Variants in SGO1 observed in about 807,000 individuals in gnomAD.
SGO1 encodes shugoshin 1.
A neutral mutation model predicts 50.5 loss-of-function variants in SGO1; 39 were observed. That is an observed-to-expected ratio of 0.77 (90% CI 0.60 to 1.01). SGO1 has a LOEUF of 1.01. Among genes scored for constraint, SGO1 ranks in the 50% least tolerant of loss-of-function variants. SGO1 has a pLI of 0.00. For missense variants in SGO1, 638 were observed against 606.0 expected, an observed-to-expected ratio of 1.05 and a Z score of -0.55; for synonymous variants, 191 against 205.1, an observed-to-expected ratio of 0.93 and a Z score of 0.59.
At chr3:20,177,977 T>C (rs187184741) in intron 4 of SGO1, among the ~76,000 whole-genome samples, 1 of 151,974 alleles carries the variant, frequency 6.6e-6, no homozygotes, top group Non-Finnish European at 1.5e-5. Flanking sequence ...AATAAAAACA[T>C]GGTACACAGA....
At chr3:20,179,581 C>T (rs1701783593) in intron 3 of SGO1, among the ~76,000 whole-genome samples, 1 of 152,082 alleles carries the variant, frequency 6.6e-6, no homozygotes, top group South Asian at 2.1e-4. Context: ...CATGCCACCA[C>T]AACTGGCTAA....
chr3:20,162,145 C>T (rs1356571417), intron 8 of SGO1, among the ~76,000 whole-genome samples: 2 of 152,156 alleles, frequency 1.3e-5, no homozygotes, highest in Admixed American at 1.3e-4. Flanking sequence ...GAAAGAGCTC[C>T]AGAATTCTGT....
At position 20,174,908 on chromosome 3, in the gene SGO1, A is replaced by C. The variant is rs1354524735; in HGVS notation, c.623T>G (p.Leu208Trp). ...CAAATGACTGGTTTCAAAATCATCC[A>C]AGCTATCAAACTGACATATACTGTT... The part of the protein sequence containing the change: ...HCNSICQFDS[L>W]DDFETSHLAG... The change falls in exon 6 of 8, where the codon TTG becomes TGG. Residue 208 changes from leucine (L) to tryptophan (W), a missense_variant. Leu to Trp is a moderately conservative substitution (Grantham distance 61, BLOSUM62 -2). Transcript: ENST00000412997. The C allele has an allele frequency of 4.3e-6, 7 of 1,613,966 alleles. No homozygotes were observed. The highest frequency in any genetic ancestry group is 1.3e-5 in the African/African-American group (1 of 74,934).
At chr3:20,175,143 GA>G in intron 5 of SGO1, 88 bp from the exon 6 acceptor site, 1 of 1,294,962 alleles carries the variant, frequency 7.7e-7, no homozygotes, top group Non-Finnish European at 1.0e-6. Context: ...CTAAAAAAGT[GA>G]ATGACCAAAA....
chr3:20,178,035 A>G (rs1701597223), intron 4 of SGO1, among the ~76,000 whole-genome samples: 1 of 152,180 alleles, frequency 6.6e-6, no homozygotes, highest in South Asian at 2.1e-4. Context: ...AACTGTGGTA[A>G]GGCTTCTTTT....
rs746756022 is a variant in SGO1 at position 20,171,070 on chromosome 3, A to G, written c.1445T>C (p.Val482Ala). 6 of 1,599,536 alleles carry G rather than the reference A, an allele frequency of 3.8e-6. No homozygotes were observed. Among genetic ancestry groups the G allele is most frequent in the Middle Eastern group, 3.3e-4 (2 of 5,982 alleles). ...AGCGAGGGTGGGCTCCTTATAGTTC[A>G]CGCTGGCTGTGCACCTACGTTTAGG... ...ALPKRRCTAS[V>A]NYKEPTLASK... Residue 482 changes from valine to alanine, a missense_variant, in exon 7 of 8, where the codon GTG becomes GCG. Transcript: ENST00000412997.
At chr3:20,168,644 G>GTTTT (rs1313336484), downstream of SGO1, among the ~76,000 whole-genome samples, 1 of 129,464 alleles carries the variant, frequency 7.7e-6, no homozygotes, top group African/African-American at 2.8e-5. Context: ...CTGAGAAACT[G>GTTTT]TTTTTTTTTT....
In SGO1 at chr3:20,170,712, T is replaced by C. The variant is rs781480888; in HGVS notation, c.1576A>G (p.Ile526Val). 3.0e-5 allele frequency: 48 copies of C among 1,583,052 alleles called. No individual in the cohort carries two copies. Among genetic ancestry groups the C allele is most frequent in the Non-Finnish European group, 4.0e-5 (47 of 1,172,518 alleles). The change falls in exon 8 of 8, where the codon ATA becomes GTA. Residue 526 changes from isoleucine to valine, a missense_variant. Transcript: ENST00000412997. Reference sequence around the variant, plus strand: ...AATATCCAACAAAACCTTCATTGTATTTGTTTCATACTTTTTTTAGAACGT... The same window carrying C: ...AATATCCAACAAAACCTTCATTGTACTTGTTTCATACTTTTTTTAGAACGT... ...LRRSKKSMKQ[I>V]Q
At position 20,174,250 on chromosome 3, in the gene SGO1, G is replaced by C; in HGVS notation, c.1281C>G (p.Thr427=). 1.2e-6 allele frequency: 2 copies of C among 1,607,802 alleles called. No individual in the cohort carries two copies. The highest frequency in any genetic ancestry group is 1.7e-6 in the Non-Finnish European group (2 of 1,174,766). ...CAGGTAAACAAGTAGATCACTTACT[G>C]GTAGGAGTTTTTGTTGGCTTAGAAC... ...TEGSKPTKTP[T]TTPPETQQSP... The change falls in exon 6 of 8, where the codon ACC becomes ACG. Residue 427 remains threonine, a splice_region_variant and synonymous_variant. Transcript: ENST00000412997.
chr3:20,165,789 C>T (rs1269607185), downstream of SGO1, among the ~76,000 whole-genome samples: 2 of 152,168 alleles, frequency 1.3e-5, no homozygotes, highest in African/African-American at 2.4e-5. Context: ...CAGTGGCTCA[C>T]GCCTGTAATC....
rs1377411475 is a variant in SGO1, at chr3:20,176,609, T to C, written c.467A>G (p.Gln156Arg). Reference protein sequence around the residue: ...TELPGQGESFQIEDQIPTIPQ... With the variant: ...TELPGQGESFRIEDQIPTIPQ... ...ATTTTCACTTGAATTACCTTCTATT[T>C]GAAATGATTCTCCTTGTCCTGGAAG... The change falls in exon 5 of 8, where the codon CAA becomes CGA. Residue 156 changes from glutamine (Q) to arginine (R), a missense_variant. Physicochemically the swap from Gln to Arg is conservative, Grantham distance 43. Coordinates refer to ENST00000412997, the MANE Select transcript of SGO1 (RefSeq NM_001199251.3). The C allele has an allele frequency of 1.9e-6, 3 of 1,568,116 alleles. No individual in the cohort carries two copies. The highest frequency in any genetic ancestry group is 1.7e-4 in the Middle Eastern group (1 of 5,938).
chr3:20,174,170 G>GT (rs1228284597), intron 6 of SGO1, 79 bp downstream of exon 6: 11 of 1,109,638 alleles, frequency 9.9e-6, no homozygotes, highest in African/African-American at 3.1e-5. Flanking sequence ...GAAACAGATG[G>GT]TAAGTATAGT....
At position 20,180,176 on chromosome 3, in the gene SGO1, A is replaced by G. The variant is rs114977908; in HGVS notation, c.340-1829T>C. ...AGCTGGGCGTGGTGGTGTTCCAGCTATTCAGGAGACTGAGGTGGGAGGATC... is the reference window on the plus strand; with the variant it reads ...AGCTGGGCGTGGTGGTGTTCCAGCTGTTCAGGAGACTGAGGTGGGAGGATC... On this transcript the variant is annotated intron_variant, in intron 3 of 7. Transcript: ENST00000412997. Among the ~76,000 whole-genome samples the G allele has an allele frequency of 9.1e-3, 1,383 of 152,226 alleles. 19 individuals carry two copies. The highest frequency in any genetic ancestry group is 0.031 in the African/African-American group (1,288 of 41,556).
chr3:20,163,539 T>C (rs1331264776), intron 8 of SGO1, among the ~76,000 whole-genome samples: 2 of 152,202 alleles, frequency 1.3e-5, no homozygotes, highest in Non-Finnish European at 2.9e-5. Flanking sequence ...GTTTTGAGAA[T>C]TACTACATTT....
chr3:20,182,085 GA>G lies in SGO1; in HGVS notation c.339+1522del, dbSNP rs1206323299. 2.2e-3 allele frequency among the ~76,000 whole-genome samples: 306 copies of G among 138,760 alleles called. 1 individual carries two copies. The highest frequency in any genetic ancestry group is 7.4e-3 in the African/African-American group (280 of 37,586). 91.0% of individuals were successfully genotyped at this position (138,760 alleles called of 152,430 possible). A position where few individuals can be genotyped will look rare whatever the true frequency, so the allele number is the denominator to read the frequency against. ...GTGACAGAGCAAGACTCTGTCTCAA[GA>G]AAAAAAAAAGAAAAAAAAACATAAA... On this transcript the variant is annotated intron_variant, in intron 3 of 7. Coordinates refer to ENST00000412997, the MANE Select transcript of SGO1 (RefSeq NM_001199251.3).
downstream of SGO1, among the ~76,000 whole-genome samples, chr3:20,168,333 G>T (rs9841183): frequency 0.019 from 2,935 of 152,036 alleles, 106 homozygotes; most frequent in African/African-American, 0.067. Context: ...TTTTAGGATT[G>T]TAGGCCAAGA....
downstream of SGO1, among the ~76,000 whole-genome samples, chr3:20,167,873 C>A (rs371083048): frequency 6.1e-4 from 93 of 152,212 alleles, no homozygotes; most frequent in African/African-American, 2.2e-3. Flanking sequence ...TACAAAGATG[C>A]AGAATATTCA....
Position 20,175,562 on chromosome 3 carries a change from C to T in SGO1, c.476-507G>A, listed in dbSNP as rs188242692. On this transcript the variant is annotated intron_variant, in intron 5 of 7. Transcript: ENST00000412997. The stretch of plus-strand genomic sequence containing the variant: ...TTGTAATCCCAGCACTTTGGGAGGC[C>T]GAGGCGGGCAGATCACGAGGTCAGG... Among the ~76,000 whole-genome samples the T allele has an allele frequency of 1.5e-4, 23 of 152,008 alleles. No homozygotes were observed. The South Asian group carries it at 3.1e-3, about 21-fold the overall frequency.
chr3:20,175,795 CA>C (rs56284216), intron 5 of SGO1, among the ~76,000 whole-genome samples: 6,622 of 136,666 alleles, frequency 0.048, 223 homozygotes, highest in South Asian at 0.16. Flanking sequence ...GCAAGACTGT[CA>C]AAAAAAAAAA....
Sources: gnomAD v4.1 joint callset for allele counts (sites outside exome capture counted in the v4.1 genomes callset) on GRCh38, gnomAD v4.1.1 for gene constraint, MANE v1.5 for transcripts, NCBI Gene and HGNC (gene_info 2026-07-23, HGNC 2026-07-21) for gene names.